UBE2E1: variants seen among roughly 807,000 people sequenced by gnomAD.
UBE2E1 encodes the protein ubiquitin-conjugating enzyme E2 E1.
UBE2E1 carries 6 observed loss-of-function variants against 21.4 expected under a neutral mutation model. The ratio of observed to expected loss-of-function variants is 0.28; its 90% CI spans 0.15 to 0.55. The LOEUF (loss-of-function observed/expected upper bound fraction) is 0.55, where lower values mean the gene tolerates loss of function less well. UBE2E1 is among the 20% of genes least tolerant of loss of function. The pLI, the probability that UBE2E1 is intolerant of heterozygous loss-of-function variation, is 0.93. For synonymous variants in UBE2E1, 87 were observed against 82.7 expected (o/e 1.05, Z -0.28); for missense variants, 142 against 236.5 (o/e 0.60, Z 2.62).
At chr3:23,859,555 T>G (rs1254622297) in intron 3 of UBE2E1, among the ~76,000 whole-genome samples, 2 of 152,254 alleles carry the variant, frequency 1.3e-5, no homozygotes, top group African/African-American at 2.4e-5. Context: ...GAGCAACAGT[T>G]GGCCATGCCA....
At chr3:23,857,672 G>A (rs1216792360) in intron 3 of UBE2E1, among the ~76,000 whole-genome samples, 2 of 152,176 alleles carry the variant, frequency 1.3e-5, no homozygotes, top group African/African-American at 4.8e-5. Context: ...GGTGAGATAG[G>A]ACTTGCTTGT....
At chr3:23,875,898 G>C (rs1034888731) in intron 3 of UBE2E1, among the ~76,000 whole-genome samples, 1 of 152,176 alleles carries the variant, frequency 6.6e-6, no homozygotes, top group Non-Finnish European at 1.5e-5. Flanking sequence ...TCACCCTTCT[G>C]AGTAGCTGGG....
chr3:23,882,982 C>G (rs1465473914), intron 3 of UBE2E1, among the ~76,000 whole-genome samples: 2 of 152,188 alleles, frequency 1.3e-5, no homozygotes, highest in African/African-American at 4.8e-5. Flanking sequence ...GAGGGGCTCC[C>G]ACAGTGCAGC....
At chr3:23,852,199 C>T (rs1393225116) in intron 3 of UBE2E1, among the ~76,000 whole-genome samples, 1 of 152,140 alleles carries the variant, frequency 6.6e-6, no homozygotes, top group African/African-American at 2.4e-5. Context: ...AATTACCTAG[C>T]CTTAGATACT....
intron 3 of UBE2E1, among the ~76,000 whole-genome samples, chr3:23,834,508 T>C (rs986922462): frequency 6.6e-6 from 1 of 152,232 alleles, no homozygotes; most frequent in African/African-American, 2.4e-5. Context: ...CCTCCTGTGC[T>C]TTTTCCAAGT....
intron 3 of UBE2E1, among the ~76,000 whole-genome samples, chr3:23,843,149 C>A (rs1339632023): frequency 1.3e-5 from 2 of 151,444 alleles, no homozygotes; most frequent in Admixed American, 6.6e-5. Flanking sequence ...CTTTGGGAAG[C>A]CATCTGTCCC....
At chr3:23,825,326 C>G (rs1032974513) in intron 3 of UBE2E1, among the ~76,000 whole-genome samples, 2 of 152,194 alleles carry the variant, frequency 1.3e-5, no homozygotes, top group African/African-American at 4.8e-5. Context: ...CCTGCCCTGG[C>G]TTATTCCATT....
intron 3 of UBE2E1, among the ~76,000 whole-genome samples, chr3:23,830,731 A>C (rs1699850059): frequency 6.6e-6 from 1 of 152,196 alleles, no homozygotes; most frequent in African/African-American, 2.4e-5. Flanking sequence ...TCTGTGTATC[A>C]TGTGTACAGT....
Position 23,887,801 on chromosome 3 carries a change from C to G in UBE2E1, c.336+102C>G. 1 of 1,422,882 alleles carries G rather than the reference C, an allele frequency of 7.0e-7. No homozygotes were observed. The highest frequency in any genetic ancestry group is 2.4e-5 in the East Asian group (1 of 42,526). 88.1% of individuals were successfully genotyped at this position (1,422,882 alleles called of 1,614,324 possible). ...TTTTAATCACAGAAACTAGATTTAT[C>G]TTATGTCCTAATAGATCTGAGTATT... is the stretch of plus-strand genomic sequence containing the variant. On this transcript the variant is annotated intron_variant, in intron 4 of 5. Coordinates refer to ENST00000306627, the MANE Select transcript of UBE2E1 (RefSeq NM_003341.5). The surrounding 1 kb of genome is among the most constrained non-coding windows in gnomAD (Gnocchi z 4.4).
rs77993067 is a variant in UBE2E1, at chr3:23,844,191, T to C, written c.203+32681T>C. Among the ~76,000 whole-genome samples, 178 of 152,214 alleles carry C rather than the reference T, an allele frequency of 1.2e-3. 5 individuals are homozygous for C. In the East Asian group the frequency reaches 0.024, roughly 20 times the overall value. On this transcript the variant is annotated intron_variant, in intron 3 of 5. Transcript: ENST00000306627. Reference sequence around the variant, plus strand: ...TTCCCCCAGTAAAGGTTGATTCCTTTTTCTCCTCTTTCCTGCTTGTTTATT... The same window carrying C: ...TTCCCCCAGTAAAGGTTGATTCCTTCTTCTCCTCTTTCCTGCTTGTTTATT...
chr3:23,848,209 C>T (rs952400887), intron 3 of UBE2E1, among the ~76,000 whole-genome samples: 1 of 152,170 alleles, frequency 6.6e-6, no homozygotes, highest in African/African-American at 2.4e-5. Context: ...TAGCTGATGC[C>T]TGTAATCACA....
At chr3:23,867,022 T>G (rs1156360320) in intron 3 of UBE2E1, among the ~76,000 whole-genome samples, 1 of 152,058 alleles carries the variant, frequency 6.6e-6, no homozygotes, top group African/African-American at 2.4e-5. Context: ...CCAGGCTTTC[T>G]GACTTTGTAC....
At chr3:23,844,078 T>C (rs757554099) in intron 3 of UBE2E1, among the ~76,000 whole-genome samples, 4 of 152,140 alleles carry the variant, frequency 2.6e-5, no homozygotes, top group East Asian at 1.9e-4. Flanking sequence ...TAAAAATAAT[T>C]TGTGGGAGAG....
chr3:23,821,139 A>G (rs1699634568), intron 3 of UBE2E1, among the ~76,000 whole-genome samples: 1 of 152,234 alleles, frequency 6.6e-6, no homozygotes, highest in Admixed American at 6.5e-5. Context: ...TGGCTTGTGA[A>G]ACCTGAATTT....
At chr3:23,855,925 G>T (rs557799437) in intron 3 of UBE2E1, among the ~76,000 whole-genome samples, 1 of 152,350 alleles carries the variant, frequency 6.6e-6, no homozygotes, top group South Asian at 2.1e-4. Flanking sequence ...GTTCCGTGAG[G>T]TGTGGTATGT....
At chr3:23,874,726 G>A (rs973855546) in intron 3 of UBE2E1, among the ~76,000 whole-genome samples, 1 of 152,138 alleles carries the variant, frequency 6.6e-6, no homozygotes, top group African/African-American at 2.4e-5. Flanking sequence ...AAGACCTATT[G>A]TTGGATCCAC....
At chr3:23,826,052 TA>T (rs1270091253) in intron 3 of UBE2E1, among the ~76,000 whole-genome samples, 4 of 152,108 alleles carry the variant, frequency 2.6e-5, no homozygotes, top group Non-Finnish European at 5.9e-5. Context: ...GATCCTCATT[TA>T]AAAAATAGTA....
rs1231516198 is a variant in UBE2E1 at position 23,857,017 on chromosome 3, AAAG to A, written c.204-30548_204-30546del. 3.0e-3 allele frequency among the ~76,000 whole-genome samples: 438 copies of A among 146,710 alleles called. 1 individual carries two copies. Among genetic ancestry groups the A allele is most frequent in the African/African-American group, 0.01 (420 of 40,360 alleles). On this transcript the variant is annotated intron_variant, in intron 3 of 5. Transcript: ENST00000306627. Reference sequence around the variant, plus strand: ...GCTGTCTCTTAAAAAAAAAAAAAAAAAAGAGAGAGAATGAGAAATGCCATTTAA... The same window carrying A: ...GCTGTCTCTTAAAAAAAAAAAAAAAAAGAGAGAATGAGAAATGCCATTTAA...
At chr3:23,832,527 C>A (rs1453901449) in intron 3 of UBE2E1, among the ~76,000 whole-genome samples, 2 of 152,120 alleles carry the variant, frequency 1.3e-5, no homozygotes, top group Non-Finnish European at 2.9e-5. Flanking sequence ...CACCTGTAAT[C>A]CCAGCTACTC....
Sources: allele counts gnomAD v4.1 joint callset (sites outside exome capture counted in the v4.1 genomes callset), GRCh38; gene constraint gnomAD v4.1.1; non-coding constraint Gnocchi (gnomAD v3.1); transcripts MANE v1.5; gene names NCBI Gene and HGNC (gene_info 2026-07-23, HGNC 2026-07-21).